NEU3: variants seen among roughly 807,000 people sequenced by gnomAD.
NEU3 encodes the protein sialidase-3.
A neutral mutation model predicts 11.4 loss-of-function variants in NEU3; 10 were observed. The ratio of observed to expected loss-of-function variants is 0.88; its 90% CI spans 0.54 to 1.49. NEU3 has a LOEUF of 1.49. NEU3 is among the 40% of genes most tolerant of loss of function. The pLI, the probability that NEU3 is intolerant of heterozygous loss-of-function variation, is 0.00. For synonymous variants in NEU3, 212 were observed against 228.2 expected (o/e 0.93, Z 0.64); for missense variants, 529 against 581.8 (o/e 0.91, Z 0.93).
chr11:75,003,512 G>T (rs1948866217), intron 2 of NEU3, among the ~76,000 whole-genome samples: 1 of 152,160 alleles, frequency 6.6e-6, no homozygotes, highest in South Asian at 2.1e-4. Flanking sequence ...GTAACCAGAA[G>T]TCCCTTTCCT....
rs1451011643 is a variant in NEU3, at chr11:75,010,881, G to C, written c.*4389G>C. The C allele has an allele frequency of 6.6e-6, 1 of 151,966 alleles. No individual in the cohort carries two copies. Among genetic ancestry groups the C allele is most frequent in the Non-Finnish European group, 1.5e-5 (1 of 67,998 alleles). 9.4% of individuals were successfully genotyped at this position (151,966 alleles called of 1,614,324 possible). A position where few individuals can be genotyped will look rare whatever the true frequency, so the allele number is the denominator to read the frequency against. On this transcript the variant is annotated 3_prime_UTR_variant, in exon 3 of 3. Transcript: ENST00000294064. ...TACCATCGTTCTTTGAAACAACAAA[G>C]AGGAATAAAGAACTTAATTCTGGTG... is the stretch of plus-strand genomic sequence containing the variant.
chr11:74,990,201 A>G, intron 1 of NEU3: 1 of 554,254 alleles, frequency 1.8e-6, no homozygotes, highest in Non-Finnish European at 3.2e-6. Flanking sequence ...CTGCTTAGGT[A>G]GGTATTATTA....
intron 2 of NEU3, chr11:74,995,145 A>G (rs1948776301): frequency 2.2e-6 from 1 of 450,442 alleles, no homozygotes; most frequent in African/African-American, 1.9e-5. Flanking sequence ...GGAAGTAAGC[A>G]TTGGTAGTCC....
Position 74,994,532 on chromosome 11 carries a change from T to C in NEU3, c.118T>C (p.Cys40Arg). ...AGAGGTCATGGAAGAAGTGACAACA[T>C]GCTCCTTCAACAGCCCTCTGTTCCG... ...SAEVMEEVTT[C>R]SFNSPLFRQE... is the part of the protein sequence containing the mutation. Residue 40 changes from cysteine (C) to arginine (R), a missense_variant, in exon 2 of 3, where the codon TGC becomes CGC. Cys to Arg is a radical substitution (Grantham distance 180). Coordinates refer to ENST00000294064, the MANE Select transcript of NEU3 (RefSeq NM_006656.6). 1.2e-6 allele frequency: 2 copies of C among 1,612,276 alleles called. No homozygotes were observed. Among genetic ancestry groups the C allele is most frequent in the South Asian group, 2.2e-5 (2 of 90,846 alleles).
In NEU3 at chr11:74,994,632, C is replaced by A; in HGVS notation, c.218C>A (p.Ala73Asp). 1 of 1,613,992 alleles carries A rather than the reference C, an allele frequency of 6.2e-7. No homozygotes were observed. The highest frequency in any genetic ancestry group is 1.7e-4 in the Middle Eastern group (1 of 6,060). ...ATACCCCCCACCCACACCTTCCTGG[C>A]CTTTGCAGAGAAGCGTTCTACGAGG... ...LYIPPTHTFL[A>D]FAEKRSTRRD... Residue 73 changes from alanine (A) to aspartate (D), a missense_variant, in exon 2 of 3, where the codon GCC becomes GAC. Physicochemically the swap from Ala to Asp is moderately radical, Grantham distance 126. Coordinates refer to ENST00000294064, the MANE Select transcript of NEU3 (RefSeq NM_006656.6).
intron 2 of NEU3, among the ~76,000 whole-genome samples, chr11:74,999,659 C>A (rs1311265304): frequency 6.6e-6 from 1 of 152,168 alleles, no homozygotes; most frequent in Non-Finnish European, 1.5e-5. Flanking sequence ...AAACATTTGT[C>A]ATTTTCCATT....
rs1948897188 is a variant in NEU3 at position 75,006,146 on chromosome 11, C to G, written c.1040C>G (p.Ser347Ter). 10 of 1,614,014 alleles carry G rather than the reference C, an allele frequency of 6.2e-6. No homozygotes were observed. In the East Asian group the frequency reaches 2.2e-4, roughly 36 times the overall value. The change falls in exon 3 of 3, where the codon TCA becomes TGA. Residue 347 changes from serine to a stop codon, truncating the protein, a stop_gained. Coordinates refer to ENST00000294064, the MANE Select transcript of NEU3 (RefSeq NM_006656.6). LOFTEE classifies it low-confidence loss of function (END_TRUNC). ...PTIQQSSPGS[S>*]LRLEEEAGTP... is the part of the protein sequence containing the mutation. ...ATTCAGCAGAGCTCTCCAGGCAGTT[C>G]ACTGAGGCTGGAGGAGGAAGCTGGA...
upstream of NEU3, among the ~76,000 whole-genome samples, chr11:74,983,765 C>T (rs1948652172): frequency 6.6e-6 from 1 of 152,202 alleles, no homozygotes; most frequent in African/African-American, 2.4e-5. Context: ...TAGAATTGCT[C>T]TTCCTCTTTG....
chr11:75,000,283 T>C (rs1565495619), intron 2 of NEU3, among the ~76,000 whole-genome samples: 1 of 152,316 alleles, frequency 6.6e-6, no homozygotes, highest in Non-Finnish European at 1.5e-5. Flanking sequence ...TAACCATTTT[T>C]AAGTGTATAG....
upstream of NEU3, chr11:74,988,009 G>A (rs1391457354): frequency 6.8e-6 from 1 of 148,042 alleles, no homozygotes; most frequent in Non-Finnish European, 1.5e-5. Context: ...GTGGCACCAC[G>A]ATGTTCCAGG....
Position 75,005,911 on chromosome 11 carries a change from G to C in NEU3, c.805G>C (p.Gly269Arg), listed in dbSNP as rs755089060. 6.2e-7 allele frequency: 1 copy of C among 1,613,574 alleles called. No individual in the cohort carries two copies. The highest frequency in any genetic ancestry group is 8.5e-7 in the Non-Finnish European group (1 of 1,179,832). Residue 269 changes from glycine to arginine, a missense_variant, in exon 3 of 3, where the codon GGC becomes CGC. Gly to Arg is a moderately radical substitution (Grantham distance 125). Coordinates refer to ENST00000294064, the MANE Select transcript of NEU3 (RefSeq NM_006656.6). ...CEVAEVTGRA[G>R]HPVLYCSART... is the part of the protein sequence containing the mutation. ...AGTGGCAGAGGTGACTGGGAGGGCTGGCCACCCTGTGCTATATTGCAGTGC... is the reference window on the plus strand; with the variant it reads ...AGTGGCAGAGGTGACTGGGAGGGCTCGCCACCCTGTGCTATATTGCAGTGC...
At chr11:74,991,006 C>CTATG (rs1302606540) in intron 1 of NEU3, among the ~76,000 whole-genome samples, 1 of 152,144 alleles carries the variant, frequency 6.6e-6, no homozygotes, top group Admixed American at 6.5e-5. Context: ...TTGTAATAGC[C>CTATG]ACTGTAGTTA....
At chr11:75,019,285 G>A (rs1948992979), downstream of NEU3, among the ~76,000 whole-genome samples, 1 of 152,228 alleles carries the variant, frequency 6.6e-6, no homozygotes, top group South Asian at 2.1e-4. Context: ...CCAAGACAAT[G>A]GGGAAAATGT....
intron 1 of NEU3, among the ~76,000 whole-genome samples, chr11:74,993,023 A>G (rs796616351): frequency 1.3e-5 from 2 of 152,296 alleles, no homozygotes; most frequent in African/African-American, 4.8e-5. Context: ...AGAAATCTCC[A>G]GGGACCTAGA....
At chr11:75,012,456 A>G (rs1948962241), downstream of NEU3, among the ~76,000 whole-genome samples, 1 of 152,226 alleles carries the variant, frequency 6.6e-6, no homozygotes, top group East Asian at 1.9e-4. Context: ...TTTTGATGTC[A>G]AGGCCTTTGC....
chr11:75,000,794 T>TTTATTTAA (rs1185285664), intron 2 of NEU3, among the ~76,000 whole-genome samples: 4 of 148,894 alleles, frequency 2.7e-5, no homozygotes, highest in Admixed American at 6.7e-5. Flanking sequence ...TATTTATTTA[T>TTTATTTAA]TTATTTATTT....
Position 75,008,466 on chromosome 11 carries a change from T to C in NEU3, c.*1974T>C, listed in dbSNP as rs569410580. On this transcript the variant is annotated 3_prime_UTR_variant, in exon 3 of 3. Transcript: ENST00000294064. ...AACTCCTTGTTTAGCAAAGCTTTCC[T>C]GAACACTGTACTGCAAGTGGATAGG... The C allele has an allele frequency of 2.0e-3, 297 of 152,230 alleles. 1 individual carries two copies. The highest frequency in any genetic ancestry group is 2.2e-3 in the Non-Finnish European group (153 of 68,066). The allele number at this position is 152,230 out of a possible 1,614,324, so 9.4% of individuals were successfully genotyped here. A position where few individuals can be genotyped will look rare whatever the true frequency, so the allele number is the denominator to read the frequency against.
chr11:75,016,395 C>CAAAAAAT (rs1948981602), intron 3 of NEU3, among the ~76,000 whole-genome samples: 1 of 152,160 alleles, frequency 6.6e-6, no homozygotes. Context: ...TGTCAAGAAG[C>CAAAAAAT]TGCAGTGCCC....
At chr11:74,985,815 A>G (rs1252802746), upstream of NEU3, among the ~76,000 whole-genome samples, 1 of 152,232 alleles carries the variant, frequency 6.6e-6, no homozygotes, top group Non-Finnish European at 1.5e-5. Flanking sequence ...CAGGGAGCCC[A>G]TTAGAGAGTA....
Sources: allele counts gnomAD v4.1 joint callset (sites outside exome capture counted in the v4.1 genomes callset), GRCh38; gene constraint gnomAD v4.1.1; transcripts MANE v1.5; gene names NCBI Gene and HGNC (gene_info 2026-07-23, HGNC 2026-07-21).